NETO1: variants seen among roughly 807,000 people sequenced by gnomAD.
NETO1 encodes neuropilin and tolloid like 1, also known as neuropilin and tolloid-like protein 1.
In NETO1, 26 loss-of-function variants were observed where a neutral mutation model predicts 61.3. The observed-to-expected ratio is 0.42, with a 90% confidence interval of 0.31 to 0.59. The LOEUF is 0.59. NETO1 is among the 20% of genes least tolerant of loss of function. The pLI is 0.12. For missense variants in NETO1, 531 were observed against 662.8 expected (o/e 0.80, Z 2.18); for synonymous variants, 225 against 225.8 (o/e 1.00, Z 0.03).
intron 7 of NETO1, among the ~76,000 whole-genome samples, chr18:72,782,076 A>G (rs2071760651): frequency 6.6e-6 from 1 of 152,084 alleles, no homozygotes; most frequent in South Asian, 2.1e-4. Context: ...TTTAGCTCTC[A>G]CTTATTGGTG....
intron 4 of NETO1, among the ~76,000 whole-genome samples, chr18:72,799,087 C>T (rs2072417104): frequency 6.6e-6 from 1 of 152,206 alleles, no homozygotes. Flanking sequence ...TGGCTAACTT[C>T]ATTGCTAAAG....
intron 4 of NETO1, among the ~76,000 whole-genome samples, chr18:72,804,425 G>A (rs2072610492): frequency 6.6e-6 from 1 of 152,114 alleles, no homozygotes; most frequent in Non-Finnish European, 1.5e-5. Flanking sequence ...GGAAACTACT[G>A]TTAACTGATT....
At chr18:72,781,422 A>C (rs1490922092) in intron 7 of NETO1, among the ~76,000 whole-genome samples, 1 of 152,218 alleles carries the variant, frequency 6.6e-6, no homozygotes, top group East Asian at 1.9e-4. Context: ...TGTCAATAAA[A>C]TGAAAAAATT....
At chr18:72,860,613 A>C (rs1290715926) in intron 3 of NETO1, among the ~76,000 whole-genome samples, 1 of 152,238 alleles carries the variant, frequency 6.6e-6, no homozygotes, top group African/African-American at 2.4e-5. Context: ...TACATTGAAA[A>C]GAGACATTTA....
intron 3 of NETO1, among the ~76,000 whole-genome samples, chr18:72,860,824 A>G (rs1487135071): frequency 1.3e-5 from 2 of 152,186 alleles, no homozygotes; most frequent in South Asian, 2.1e-4. Context: ...TTAAAACAAA[A>G]AGGCAAATCT....
chr18:72,805,662 A>T (rs1175707865), intron 4 of NETO1, among the ~76,000 whole-genome samples: 2 of 152,062 alleles, frequency 1.3e-5, no homozygotes, highest in African/African-American at 4.8e-5. Context: ...TAGGCAGTCG[A>T]CCTCCAGATT....
chr18:72,812,055 T>C (rs538204651), intron 4 of NETO1, among the ~76,000 whole-genome samples: 4 of 152,230 alleles, frequency 2.6e-5, no homozygotes, highest in Admixed American at 2.6e-4. Flanking sequence ...GTAAGTGTGA[T>C]GCTAACATCT....
chr18:72,788,772 AC>A (rs1160431371), intron 6 of NETO1, among the ~76,000 whole-genome samples: 7 of 152,110 alleles, frequency 4.6e-5, no homozygotes, highest in Admixed American at 6.6e-5. Context: ...GGAAAGCAGA[AC>A]CCCTTTTTAT....
chr18:72,797,557 C>T (rs942822967), intron 4 of NETO1, among the ~76,000 whole-genome samples: 9 of 152,142 alleles, frequency 5.9e-5, no homozygotes, highest in Non-Finnish European at 8.8e-5. Flanking sequence ...GGCAGACACA[C>T]GATAACGTTG....
intron 4 of NETO1, among the ~76,000 whole-genome samples, chr18:72,820,666 A>G (rs2073165108): frequency 6.6e-6 from 1 of 152,236 alleles, no homozygotes; most frequent in East Asian, 1.9e-4. Context: ...GGGTTCAGTG[A>G]AGCAAGTGGT....
At chr18:72,794,001 C>T (rs1472813445) in intron 6 of NETO1, 116 bp downstream of exon 6, 2 of 1,322,206 alleles carry the variant, frequency 1.5e-6, no homozygotes, top group Non-Finnish European at 1.1e-6. Flanking sequence ...GAAATCATAG[C>T]CTTTGATGGC....
chr18:72,744,591 G>C lies in NETO1; in HGVS notation c.*3588C>G, dbSNP rs1434098511. The C allele has an allele frequency of 6.6e-6, 1 of 152,072 alleles. No individual in the cohort carries two copies. The highest frequency in any genetic ancestry group is 2.4e-5 in the African/African-American group (1 of 41,408). The allele number at this position is 152,072 out of a possible 1,614,324, so 9.4% of individuals were successfully genotyped here. On this transcript the variant is annotated 3_prime_UTR_variant, in exon 11 of 11. Transcript: ENST00000327305. The stretch of plus-strand genomic sequence containing the variant: ...ACAGAGAAAAATGGCACCGAAGCTA[G>C]CTCGCCTCAGTGCAATTAGACAAAA...
rs113557424 is a variant in NETO1, at chr18:72,754,989, C to G, written c.982+1045G>C. Among the ~76,000 whole-genome samples the G allele has an allele frequency of 9.1e-3, 1,380 of 152,278 alleles. 17 individuals carry two copies. Among genetic ancestry groups the G allele is most frequent in the African/African-American group, 0.031 (1,301 of 41,550 alleles). On this transcript the variant is annotated intron_variant, in intron 8 of 10. Transcript: ENST00000327305. Reference sequence around the variant, plus strand: ...ACTAGAAATGAATGCAATTTTTCCCCTATCACAAGAGAATGAATTAAAGGC... The same window carrying G: ...ACTAGAAATGAATGCAATTTTTCCCGTATCACAAGAGAATGAATTAAAGGC...
intron 4 of NETO1, among the ~76,000 whole-genome samples, chr18:72,825,495 T>C (rs2073345951): frequency 6.6e-6 from 1 of 152,076 alleles, no homozygotes. Flanking sequence ...TACCATATTT[T>C]CCATGTATTA....
At chr18:72,806,483 A>C (rs72634465) in intron 4 of NETO1, among the ~76,000 whole-genome samples, 3,338 of 152,130 alleles carry the variant, frequency 0.022, 131 homozygotes, top group East Asian at 0.17. Context: ...TTGGCATATC[A>C]ATTATCTTCC....
At chr18:72,780,017 G>C (rs1300628000) in intron 7 of NETO1, among the ~76,000 whole-genome samples, 1 of 152,140 alleles carries the variant, frequency 6.6e-6, no homozygotes, top group Non-Finnish European at 1.5e-5. Flanking sequence ...CACCTATGAT[G>C]AGAGCTGTAC....
rs2073531261 is a variant in NETO1 at position 72,830,247 on chromosome 18, T to C, written c.469+28579A>G. Among the ~76,000 whole-genome samples the C allele has an allele frequency of 2.6e-5, 4 of 152,136 alleles. No individual in the cohort carries two copies. The highest frequency in any genetic ancestry group is 2.6e-4 in the Admixed American group (4 of 15,278). On this transcript the variant is annotated intron_variant, in intron 4 of 10. Transcript: ENST00000327305. The surrounding 1 kb of genome is among the most constrained non-coding windows in gnomAD (Gnocchi z 4.9). ...AAGAGACGGGAACAGCAGTGCTATC[T>C]TGGTGCCGGCTTGCGAGAGTAGGCA...
intron 7 of NETO1, among the ~76,000 whole-genome samples, chr18:72,763,596 CACAA>C (rs1202526001): frequency 9.5e-5 from 7 of 73,546 alleles, no homozygotes; most frequent in East Asian, 5.2e-4. Context: ...CACACACACT[CACAA>C]ACACACACAC....
At chr18:72,772,871 A>C (rs1327565849) in intron 7 of NETO1, among the ~76,000 whole-genome samples, 3 of 107,888 alleles carry the variant, frequency 2.8e-5, no homozygotes, top group African/African-American at 6.9e-5. Context: ...ATATATATAT[A>C]TCAGTTTCAT....
Sources: gnomAD v4.1 joint callset for allele counts (sites outside exome capture counted in the v4.1 genomes callset) on GRCh38, gnomAD v4.1.1 for gene constraint, Gnocchi (gnomAD v3.1) non-coding constraint, MANE v1.5 for transcripts, NCBI Gene and HGNC (gene_info 2026-07-23, HGNC 2026-07-21) for gene names.